PTPRD: variants seen among roughly 807,000 people sequenced by gnomAD.
PTPRD encodes the protein protein tyrosine phosphatase receptor type D.
Under a neutral mutation model 214.5 loss-of-function variants are expected in PTPRD, and 34 were observed. The observed-to-expected ratio is 0.16, with a 90% CI of 0.12 to 0.21. The LOEUF (loss-of-function observed/expected upper bound fraction) is 0.21, where lower values mean the gene tolerates loss of function less well. Among genes scored for constraint, PTPRD ranks in the 10% least tolerant of loss-of-function variants. The probability of loss-of-function intolerance (pLI) is 1.00; values close to 1 mark genes in which losing one functional copy is unlikely to be tolerated. For missense variants in PTPRD, 2,545 were observed against 2,398.7 expected (o/e 1.06, Z -1.27); for synonymous variants, 1,128 against 845.7 (o/e 1.33, Z -5.79).
At chr9:9,042,773 C>G (rs986236750) in intron 10 of PTPRD, among the ~76,000 whole-genome samples, 2 of 151,990 alleles carry the variant, frequency 1.3e-5, no homozygotes, top group African/African-American at 4.8e-5. Context: ...GTTTCCCAGC[C>G]TCCTTTGTAA....
intron 35 of PTPRD, among the ~76,000 whole-genome samples, chr9:8,424,130 T>G (rs939431585): frequency 5.3e-5 from 8 of 152,174 alleles, no homozygotes; most frequent in African/African-American, 1.7e-4. Context: ...ATAGACTGTC[T>G]CTGATGTTGA....
At chr9:9,035,128 G>T (rs2099617463) in intron 10 of PTPRD, among the ~76,000 whole-genome samples, 1 of 152,100 alleles carries the variant, frequency 6.6e-6, no homozygotes, top group South Asian at 2.1e-4. Context: ...CTAGCATAGA[G>T]TCTGGCACAT....
intron 5 of PTPRD, among the ~76,000 whole-genome samples, chr9:9,850,217 G>A (rs1565753734): frequency 1.3e-5 from 2 of 152,114 alleles, no homozygotes; most frequent in Non-Finnish European, 2.9e-5. Flanking sequence ...ATACTGAAAC[G>A]CTAATCTTTC....
chr9:9,086,713 A>G (rs1384176088), intron 10 of PTPRD, among the ~76,000 whole-genome samples: 2 of 152,208 alleles, frequency 1.3e-5, no homozygotes, highest in South Asian at 4.1e-4. Context: ...ATGGACATCT[A>G]TTTTAAGAGG....
At chr9:8,389,436 G>C in intron 36 of PTPRD, 29 bp from the exon 37 acceptor site, 1 of 1,576,048 alleles carries the variant, frequency 6.3e-7, no homozygotes, top group Non-Finnish European at 8.6e-7. Context: ...TATTCAACCA[G>C]GTGAGCACAT....
chr9:9,256,053 G>A (rs913923446), intron 9 of PTPRD, among the ~76,000 whole-genome samples: 1 of 151,952 alleles, frequency 6.6e-6, no homozygotes, highest in Non-Finnish European at 1.5e-5. Context: ...AGAATAGCAA[G>A]ACATCTCAAA....
intron 3 of PTPRD, among the ~76,000 whole-genome samples, chr9:10,209,948 A>G (rs1315112754): frequency 6.6e-6 from 1 of 152,166 alleles, no homozygotes; most frequent in Non-Finnish European, 1.5e-5. Context: ...TCTAGAAAAC[A>G]ATGTAACAAT....
At chr9:9,155,335 C>G (rs978837807) in intron 10 of PTPRD, among the ~76,000 whole-genome samples, 1 of 151,996 alleles carries the variant, frequency 6.6e-6, no homozygotes, top group African/African-American at 2.4e-5. Flanking sequence ...ATCATACAAA[C>G]AAGGCTATCT....
At chr9:10,111,269 C>G (rs1450512423) in intron 3 of PTPRD, among the ~76,000 whole-genome samples, 2 of 115,624 alleles carry the variant, frequency 1.7e-5, no homozygotes, top group Non-Finnish European at 3.2e-5. Context: ...GACGGAGTCT[C>G]GCTCTGTCGC....
intron 11 of PTPRD, among the ~76,000 whole-genome samples, chr9:8,936,653 A>T (rs2099000219): frequency 6.6e-6 from 1 of 152,122 alleles, no homozygotes; most frequent in South Asian, 2.1e-4. Context: ...TAGGAATGAA[A>T]ATGCTAAGCT....
At chr9:9,667,200 A>G (rs2096740352) in intron 7 of PTPRD, among the ~76,000 whole-genome samples, 1 of 152,030 alleles carries the variant, frequency 6.6e-6, no homozygotes, top group African/African-American at 2.4e-5. Context: ...CTGTTTTCTT[A>G]GGCTGATACT....
At chr9:10,306,474 T>C (rs998489265) in intron 3 of PTPRD, among the ~76,000 whole-genome samples, 1 of 152,076 alleles carries the variant, frequency 6.6e-6, no homozygotes, top group Non-Finnish European at 1.5e-5. Flanking sequence ...GTAAACTTTC[T>C]AAATAGTTCT....
At chr9:10,176,199 G>T (rs1165543009) in intron 3 of PTPRD, among the ~76,000 whole-genome samples, 2 of 151,332 alleles carry the variant, frequency 1.3e-5, no homozygotes, top group Admixed American at 6.6e-5. Context: ...TGTAAATCCA[G>T]TATTTTATTT....
intron 9 of PTPRD, among the ~76,000 whole-genome samples, chr9:9,336,956 T>C (rs1473710658): frequency 6.6e-6 from 1 of 152,178 alleles, no homozygotes; most frequent in Non-Finnish European, 1.5e-5. Flanking sequence ...TTTTTACACA[T>C]ATCTTTATAT....
At chr9:10,290,312 C>T (rs1300696873) in intron 3 of PTPRD, among the ~76,000 whole-genome samples, 1 of 152,100 alleles carries the variant, frequency 6.6e-6, no homozygotes, top group Non-Finnish European at 1.5e-5. Flanking sequence ...GAACTGTTGA[C>T]AAAGACAATC....
intron 3 of PTPRD, among the ~76,000 whole-genome samples, chr9:10,261,184 A>G (rs2093679020): frequency 6.6e-6 from 1 of 151,254 alleles, no homozygotes; most frequent in Non-Finnish European, 1.5e-5. Context: ...AAAGATCAAA[A>G]CAACTTGGAG....
chr9:9,943,327 C>G (rs2091960726), intron 4 of PTPRD, among the ~76,000 whole-genome samples: 1 of 152,096 alleles, frequency 6.6e-6, no homozygotes, highest in African/African-American at 2.4e-5. Flanking sequence ...TTCCCCTGTA[C>G]AGTAGTCAGA....
intron 7 of PTPRD, among the ~76,000 whole-genome samples, chr9:9,663,725 C>T (rs1005326403): frequency 6.6e-6 from 1 of 151,494 alleles, no homozygotes; most frequent in African/African-American, 2.4e-5. Context: ...GGCAAAATTA[C>T]ATAGAACTTC....
chr9:9,919,373 C>A (rs778129299), intron 5 of PTPRD, among the ~76,000 whole-genome samples: 3 of 152,028 alleles, frequency 2.0e-5, no homozygotes, highest in Non-Finnish European at 2.9e-5. Context: ...GAATCAAAGT[C>A]CCCCCACAGG....
Sources: gnomAD v4.1 joint callset for allele counts (sites outside exome capture counted in the v4.1 genomes callset) on GRCh38, gnomAD v4.1.1 for gene constraint, MANE v1.5 for transcripts, NCBI Gene and HGNC (gene_info 2026-07-23, HGNC 2026-07-21) for gene names.